APIP: variants seen among roughly 807,000 people sequenced by gnomAD.
APIP encodes the protein methylthioribulose-1-phosphate dehydratase.
A neutral mutation model predicts 32.0 loss-of-function variants in APIP; 32 were observed. The observed-to-expected ratio is 1.00, with a 90% CI of 0.76 to 1.34. The LOEUF (loss-of-function observed/expected upper bound fraction) is 1.34. Among genes scored for constraint, APIP ranks in the 40% most tolerant of loss-of-function variants. The pLI, the probability that APIP is intolerant of heterozygous loss-of-function variation, is 0.00. For synonymous variants in APIP, 92 were observed against 94.8 expected (o/e 0.97, Z 0.17); for missense variants, 247 against 298.6 (o/e 0.83, Z 1.27).
chr11:34,884,994 T>C (rs553684478), intron 5 of APIP, among the ~76,000 whole-genome samples: 31 of 151,636 alleles, frequency 2.0e-4, no homozygotes, highest in Admixed American at 1.3e-3. Context: ...TCAAAGAGTA[T>C]TGTTTTCACT....
chr11:34,898,561 A>G (rs1474311198), intron 1 of APIP, among the ~76,000 whole-genome samples: 1 of 151,694 alleles, frequency 6.6e-6, no homozygotes, highest in Non-Finnish European at 1.5e-5. Flanking sequence ...TTCTTTTTCT[A>G]TCCACAGTCT....
intron 5 of APIP, among the ~76,000 whole-genome samples, chr11:34,886,605 A>G (rs1003302197): frequency 7.2e-5 from 11 of 152,210 alleles, no homozygotes; most frequent in African/African-American, 2.7e-4. Flanking sequence ...TCACTCACTT[A>G]TTCACCCAGA....
chr11:34,898,383 G>C (rs959338515), intron 1 of APIP, among the ~76,000 whole-genome samples: 7 of 152,074 alleles, frequency 4.6e-5, no homozygotes, highest in African/African-American at 1.7e-4. Flanking sequence ...GCCGTGTTTC[G>C]AATCAGTTTC....
chr11:34,883,375 T>TA lies in APIP; in HGVS notation c.590dup (p.Tyr198IlefsTer15). On this transcript the variant is annotated frameshift_variant, in exon 6 of 7. Transcript: ENST00000395787. LOFTEE classifies it high-confidence loss of function. Reference sequence around the variant, plus strand: ...TCTCCCATGTTTCCCCCCACACATATACTCCATGACGTCTGACCAGTACTG... The same window carrying TA: ...TCTCCCATGTTTCCCCCCACACATATAACTCCATGACGTCTGACCAGTACTG... 6.2e-7 allele frequency: 1 copy of TA among 1,613,448 alleles called. No individual in the cohort carries two copies. The highest frequency in any genetic ancestry group is 2.2e-5 in the East Asian group (1 of 44,860).
chr11:34,896,821 A>T, intron 1 of APIP: 2 of 1,287,920 alleles, frequency 1.6e-6, no homozygotes. Flanking sequence ...AACTCTGGTG[A>T]CCTTGAACTT....
Position 34,890,536 on chromosome 11 carries a change from C to G in APIP, c.175G>C (p.Ala59Pro), listed in dbSNP as rs1853169935. ...CGTTCCTTTTGCACTCCTGAAGGAG[C>G]AATGTAGATTTCATCGCTGGCAACA... Reference protein sequence around the residue: ...SLKHGDEIYIAPSGVQKERIQ... With the variant: ...SLKHGDEIYIPPSGVQKERIQ... Residue 59 changes from alanine (A) to proline (P), a missense_variant, in exon 3 of 7, where the codon GCT (alanine) becomes CCT (proline). Physicochemically the swap from Ala to Pro is conservative, Grantham distance 27 (BLOSUM62 -1). Transcript: ENST00000395787. 1 of 1,609,826 alleles carries G rather than the reference C, an allele frequency of 6.2e-7. No individual in the cohort carries two copies. Among genetic ancestry groups the G allele is most frequent in the Non-Finnish European group, 8.5e-7 (1 of 1,177,804 alleles).
intron 5 of APIP, among the ~76,000 whole-genome samples, chr11:34,886,216 G>A (rs1357760865): frequency 6.6e-6 from 1 of 152,032 alleles, no homozygotes; most frequent in African/African-American, 2.4e-5. Context: ...ACCTTCCACT[G>A]AGACAAGGTG....
Position 34,883,100 on chromosome 11 carries a change from C to T in APIP, c.629+237G>A, listed in dbSNP as rs1852995133. ...TTTTTTTTAAACTAGATGTCACTTT[C>T]TGAAATAGAACTTTTGTAACTTGGG... On this transcript the variant is annotated intron_variant, in intron 6 of 6. Coordinates refer to ENST00000395787, the MANE Select transcript of APIP (RefSeq NM_015957.4). Among the ~76,000 whole-genome samples, 5 of 152,170 alleles carry T rather than the reference C, an allele frequency of 3.3e-5. No individual in the cohort carries two copies. The South Asian group carries it at 1.0e-3, about 32-fold the overall frequency.
At chr11:34,895,300 T>C (rs1853250294) in intron 1 of APIP, among the ~76,000 whole-genome samples, 190 bp from the exon 2 acceptor site, 1 of 152,194 alleles carries the variant, frequency 6.6e-6, no homozygotes, top group South Asian at 2.1e-4. Flanking sequence ...TACTACATTA[T>C]TTGGCAACCT....
At chr11:34,894,539 C>T (rs1853236896) in intron 2 of APIP, among the ~76,000 whole-genome samples, 1 of 151,276 alleles carries the variant, frequency 6.6e-6, no homozygotes, top group Non-Finnish European at 1.5e-5. Flanking sequence ...GTCCCAGCTG[C>T]CCAGGAGGAT....
At chr11:34,898,169 T>C (rs1257797953) in intron 1 of APIP, among the ~76,000 whole-genome samples, 3 of 152,102 alleles carry the variant, frequency 2.0e-5, no homozygotes, top group African/African-American at 4.8e-5. Flanking sequence ...ATGGTGAGTA[T>C]AGGAGCAAGC....
intron 2 of APIP, among the ~76,000 whole-genome samples, chr11:34,894,434 C>T (rs1168839874): frequency 7.1e-6 from 1 of 141,762 alleles, no homozygotes; most frequent in Non-Finnish European, 1.5e-5. Flanking sequence ...AGTTTGAGAC[C>T]AGCCCATGCA....
chr11:34,882,747 C>T lies in APIP; in HGVS notation c.699G>A (p.Gln233=). Residue 233 remains glutamine, a synonymous_variant, in exon 7 of 7, where the codon CAG becomes CAA. Coordinates refer to ENST00000395787, the MANE Select transcript of APIP (RefSeq NM_015957.4). ...CAATTCCATTTTCTCCAACTGGGAG[C>T]TGTGAAGGATCAAGTCCTACTTTCT... is the stretch of plus-strand genomic sequence containing the variant. The part of the protein sequence containing the change: ...SMKKVGLDPS[Q]LPVGENGIV 1 of 1,604,234 alleles carries T rather than the reference C, an allele frequency of 6.2e-7. No individual in the cohort carries two copies. Among genetic ancestry groups the T allele is most frequent in the East Asian group, 2.2e-5 (1 of 44,624 alleles).
chr11:34,887,900 A>G (rs184430649), intron 5 of APIP, among the ~76,000 whole-genome samples: 295 of 152,314 alleles, frequency 1.9e-3, no homozygotes, highest in Non-Finnish European at 3.4e-3. Flanking sequence ...TATTCCAGAA[A>G]TACTAAATTA....
At chr11:34,899,808 G>C (rs1028171348) in intron 1 of APIP, among the ~76,000 whole-genome samples, 1 of 152,206 alleles carries the variant, frequency 6.6e-6, no homozygotes, top group African/African-American at 2.4e-5. Context: ...AGGAACTAGC[G>C]AGGGAAAATA....
chr11:34,904,464 G>A (rs1590712278), intron 1 of APIP, among the ~76,000 whole-genome samples: 3 of 152,138 alleles, frequency 2.0e-5, no homozygotes, highest in African/African-American at 4.8e-5. Flanking sequence ...TGGCCTTAAC[G>A]AATAAGAAAT....
intron 3 of APIP, among the ~76,000 whole-genome samples, chr11:34,889,329 T>A (rs1369434926): frequency 2.7e-5 from 4 of 150,150 alleles, no homozygotes; most frequent in African/African-American, 2.4e-5. Context: ...GGTGTTAAAA[T>A]TTTTTTCCCC....
chr11:34,915,305 T>C (rs1000832847), intron 1 of APIP, among the ~76,000 whole-genome samples: 1 of 152,220 alleles, frequency 6.6e-6, no homozygotes, highest in Admixed American at 6.5e-5. Context: ...CAGCATTCTA[T>C]TTTCAGAGTC....
At chr11:34,908,605 A>G (rs759040641) in intron 1 of APIP, among the ~76,000 whole-genome samples, 5 of 152,218 alleles carry the variant, frequency 3.3e-5, no homozygotes, top group Non-Finnish European at 5.9e-5. Flanking sequence ...CTTGGACCCC[A>G]CTAGCTGTGT....
Sources: gnomAD v4.1 joint callset for allele counts (sites outside exome capture counted in the v4.1 genomes callset) on GRCh38, gnomAD v4.1.1 for gene constraint, MANE v1.5 for transcripts, NCBI Gene and HGNC (gene_info 2026-07-23, HGNC 2026-07-21) for gene names.